Variants in PTX4 observed in about 807,000 individuals in gnomAD.
PTX4 encodes pentraxin 4.
Under a neutral mutation model 19.1 loss-of-function variants are expected in PTX4, and 23 were observed. The observed-to-expected ratio is 1.20, with a 90% confidence interval of 0.87 to 1.70. The LOEUF (loss-of-function observed/expected upper bound fraction) is 1.70. Ranked by LOEUF, PTX4 falls within the 40% of genes most tolerant of loss-of-function variation. The pLI is 0.00. For synonymous variants in PTX4, 317 were observed against 279.6 expected (o/e 1.13, Z -1.33); for missense variants, 678 against 610.5 (o/e 1.11, Z -1.17).
intron 1 of PTX4, chr16:1,488,349 A>G (rs759441725): frequency 1.9e-6 from 3 of 1,613,544 alleles, no homozygotes; most frequent in Non-Finnish European, 2.5e-6. Flanking sequence ...CACCCAGCGC[A>G]GGCCCGACAG....
chr16:1,488,270 C>T, intron 1 of PTX4: 3 of 1,571,292 alleles, frequency 1.9e-6, no homozygotes, highest in Non-Finnish European at 2.6e-6. Context: ...CTCGTGATTC[C>T]AGCTCCTGCC....
At position 1,486,197 on chromosome 16, in the gene PTX4, A is replaced by G. The variant is rs779884173; in HGVS notation, c.1179T>C (p.Tyr393=). 1 of 1,613,522 alleles carries G rather than the reference A, an allele frequency of 6.2e-7. No individual in the cohort carries two copies. Among genetic ancestry groups the G allele is most frequent in the Non-Finnish European group, 8.5e-7 (1 of 1,179,782 alleles). The change falls in exon 3 of 3, where the codon TAT becomes TAC. Residue 393 remains tyrosine (Y), a synonymous_variant. Transcript: ENST00000447419. The part of the protein sequence containing the change: ...VATGSRFREG[Y]EIPPGGSLVL... ...CGAGGGACCCTCCGGGGGGGATCTC[A>G]TAGCCCTCCCTGAAGCGGGAGCCGG... is the stretch of plus-strand genomic sequence containing the variant.
At position 1,487,953 on chromosome 16, in the gene PTX4, C is replaced by A; in HGVS notation, c.159G>T (p.Glu53Asp). The A allele has an allele frequency of 6.3e-7, 1 of 1,584,826 alleles. No individual in the cohort carries two copies. Among genetic ancestry groups the A allele is most frequent in the Non-Finnish European group, 8.6e-7 (1 of 1,161,778 alleles). ...RLEEQFRRFQ[E>D]VTWTHLQNIA... is the part of the protein sequence containing the mutation. ...TGTTCTGCAGGTGTGTCCAGGTCAC[C>A]TCCTGGAATCTCCGGAACTGTAAGG... Residue 53 changes from glutamate (E) to aspartate (D), a missense_variant, in exon 2 of 3, where the codon GAG (glutamate) becomes GAT (aspartate). Coordinates refer to ENST00000447419, the MANE Select transcript of PTX4 (RefSeq NM_001328608.2).
rs759960372 is a variant in PTX4 at position 1,487,901 on chromosome 16, T to A, written c.211A>T (p.Asn71Tyr). The A allele has an allele frequency of 1.9e-6, 3 of 1,612,234 alleles. No individual in the cohort carries two copies. The South Asian group carries it at 3.3e-5, about 18-fold the overall frequency. Residue 71 changes from asparagine to tyrosine, a missense_variant, in exon 2 of 3, where the codon AAC becomes TAC. Asn to Tyr is a moderately radical substitution (Grantham distance 143). Coordinates refer to ENST00000447419, the MANE Select transcript of PTX4 (RefSeq NM_001328608.2). ...NIASNYNVSYNVDVRFRSLAE... is the reference protein window; with the variant it reads ...NIASNYNVSYYVDVRFRSLAE... Reference sequence around the variant, plus strand: ...AGGCTCCGGAACCGGACGTCAACGTTGTAGGACACGTTGTAGTTGCTGGCG... The same window carrying A: ...AGGCTCCGGAACCGGACGTCAACGTAGTAGGACACGTTGTAGTTGCTGGCG...
At chr16:1,488,247 C>G in intron 1 of PTX4, 3 of 1,535,914 alleles carry the variant, frequency 2.0e-6, no homozygotes, top group South Asian at 2.4e-5. Context: ...TAACCACCGG[C>G]AAGTCACTTT....
chr16:1,486,523 A>G lies in PTX4; in HGVS notation c.853T>C (p.Phe285Leu). 6.3e-7 allele frequency: 1 copy of G among 1,588,712 alleles called. No homozygotes were observed. Among genetic ancestry groups the G allele is most frequent in the Non-Finnish European group, 8.6e-7 (1 of 1,168,980 alleles). ...FPNASTRNVV[F>L]LSPGFVTALR... is the part of the protein sequence containing the mutation. ...GCAGTGACGAAACCAGGGCTGAGGA[A>G]GACCACGTTCCTGGTGGAGGCGTTT... Residue 285 changes from phenylalanine to leucine, a missense_variant, in exon 3 of 3, where the codon TTC becomes CTC. By Grantham distance (22) the Phe-to-Leu change is conservative. Coordinates refer to ENST00000447419, the MANE Select transcript of PTX4 (RefSeq NM_001328608.2).
In PTX4 at chr16:1,485,898, C is replaced by A; in HGVS notation, c.*41G>T. On this transcript the variant is annotated 3_prime_UTR_variant, in exon 3 of 3. Transcript: ENST00000447419. The stretch of plus-strand genomic sequence containing the variant: ...GGCGGTGGCGGAATGTGGATGGGGG[C>A]ATGCTGCCCTTGCTGGCCTCAGCCC... The A allele has an allele frequency of 6.4e-7, 1 of 1,557,698 alleles. No homozygotes were observed. Among genetic ancestry groups the A allele is most frequent in the South Asian group, 1.1e-5 (1 of 87,480 alleles).
rs941904865 is a variant in PTX4 at position 1,485,921 on chromosome 16, C to A, written c.*18G>T. 6.3e-7 allele frequency: 1 copy of A among 1,584,492 alleles called. No homozygotes were observed. Among genetic ancestry groups the A allele is most frequent in the Non-Finnish European group, 8.6e-7 (1 of 1,167,408 alleles). On this transcript the variant is annotated 3_prime_UTR_variant, in exon 3 of 3. Transcript: ENST00000447419. Reference sequence around the variant, plus strand: ...GGCATGCTGCCCTTGCTGGCCTCAGCCCCCGTGCGGCTCGGCCTCAGGGAC... The same window carrying A: ...GGCATGCTGCCCTTGCTGGCCTCAGACCCCGTGCGGCTCGGCCTCAGGGAC...
Position 1,486,495 on chromosome 16 carries a change from AG to A in PTX4, c.880del (p.Leu294CysfsTer48). Reference sequence around the variant, plus strand: ...CCAGCTGCAGAAGGACAGGGCTCGCAGGGCAGTGACGAAACCAGGGCTGAGG... The same window carrying A: ...CCAGCTGCAGAAGGACAGGGCTCGCAGGCAGTGACGAAACCAGGGCTGAGG... ...VFLSPGFVTA[L>X]RALSFCSWVR... On this transcript the variant is annotated frameshift_variant, in exon 3 of 3. Coordinates refer to ENST00000447419, the MANE Select transcript of PTX4 (RefSeq NM_001328608.2). LOFTEE classifies it low-confidence loss of function (END_TRUNC). 6.2e-7 allele frequency: 1 copy of A among 1,610,398 alleles called. No individual in the cohort carries two copies. Among genetic ancestry groups the A allele is most frequent in the Non-Finnish European group, 8.5e-7 (1 of 1,178,406 alleles).
At chr16:1,486,912 C>A (rs2039251207) in intron 2 of PTX4, among the ~76,000 whole-genome samples, 1 of 152,188 alleles carries the variant, frequency 6.6e-6, no homozygotes, top group Non-Finnish European at 1.5e-5. Context: ...CACAACAGCG[C>A]AGGTTTAGTG....
rs754675948 is a variant in PTX4 at position 1,486,270 on chromosome 16, G to A, written c.1106C>T (p.Ser369Phe). The A allele has an allele frequency of 3.7e-5, 59 of 1,613,190 alleles. No homozygotes were observed. Among genetic ancestry groups the A allele is most frequent in the Non-Finnish European group, 4.8e-5 (57 of 1,179,726 alleles). The part of the protein sequence containing the change: ...QWHHICVIWT[S>F]TQGRYWLHVD... ...GTGGAGCCAGTACCTGCCCTGGGTG[G>A]ACGTCCAGATGACACAGATGTGGTG... The change falls in exon 3 of 3, where the codon TCC becomes TTC. Residue 369 changes from serine (S) to phenylalanine (F), a missense_variant. Transcript: ENST00000447419.
chr16:1,488,352 C>A, intron 1 of PTX4: 1 of 1,613,578 alleles, frequency 6.2e-7, no homozygotes. Context: ...CCAGCGCAGG[C>A]CCGACAGGCC....
intron 2 of PTX4, among the ~76,000 whole-genome samples, chr16:1,487,061 G>A (rs1027686999): frequency 2.6e-5 from 4 of 152,104 alleles, no homozygotes; most frequent in Admixed American, 6.5e-5. Flanking sequence ...TGCACCCTTC[G>A]GCGTGGGGCC....
At position 1,487,562 on chromosome 16, in the gene PTX4, C is replaced by G; in HGVS notation, c.550G>C (p.Ala184Pro). The G allele has an allele frequency of 1.3e-6, 2 of 1,536,342 alleles. No homozygotes were observed. Among genetic ancestry groups the G allele is most frequent in the Non-Finnish European group, 1.8e-6 (2 of 1,141,856 alleles). ...GTTGGGACCAGGGCCGGCCCGAGGGCTGCAGTGCCAGGGTGGGCCACGGGC... is the reference window on the plus strand; with the variant it reads ...GTTGGGACCAGGGCCGGCCCGAGGGGTGCAGTGCCAGGGTGGGCCACGGGC... ...RLPVAHPGTAALGPALVPTPT... is the reference protein window; with the variant it reads ...RLPVAHPGTAPLGPALVPTPT... The change falls in exon 2 of 3, where the codon GCC (alanine) becomes CCC (proline). Residue 184 changes from alanine (A) to proline (P), a missense_variant. Physicochemically the swap from Ala to Pro is conservative, Grantham distance 27. Transcript: ENST00000447419.
chr16:1,488,712 C>T, intron 1 of PTX4, 57 bp downstream of exon 1: 1 of 657,096 alleles, frequency 1.5e-6, no homozygotes, highest in Non-Finnish European at 2.8e-6. Flanking sequence ...TAACATCCGT[C>T]TTCCATCTGC....
Position 1,487,556 on chromosome 16 carries a change from C to T in PTX4, c.556G>A (p.Gly186Arg), listed in dbSNP as rs373232026. 2.2e-5 allele frequency: 33 copies of T among 1,530,334 alleles called. No individual in the cohort carries two copies. Among genetic ancestry groups the T allele is most frequent in the East Asian group, 1.6e-4 (7 of 43,708 alleles). The allele number at this position is 1,530,334 out of a possible 1,614,324, so 94.8% of individuals were successfully genotyped here. Residue 186 changes from glycine to arginine, a missense_variant, in exon 2 of 3, where the codon GGG becomes AGG. By Grantham distance (125) the Gly-to-Arg change is moderately radical. Transcript: ENST00000447419. ...PVAHPGTAAL[G>R]PALVPTPTQP... ...GTTGGGGTTGGGACCAGGGCCGGCC[C>T]GAGGGCTGCAGTGCCAGGGTGGGCC...
At position 1,487,692 on chromosome 16, in the gene PTX4, C is replaced by A. The variant is rs61734779; in HGVS notation, c.420G>T (p.Arg140Ser). Residue 140 changes from arginine to serine, a missense_variant, in exon 2 of 3, where the codon AGG becomes AGT. Transcript: ENST00000447419. ...CGTCCCTCTGGGCCTTGTGTGCCTT[C>A]CTTTCCCGGGCCCGCTGCTGGCTCC... ...GERSQQRARERKAHKAQRDAL... is the reference protein window; with the variant it reads ...GERSQQRARESKAHKAQRDAL... 0.097 allele frequency: 156,677 copies of A among 1,610,256 alleles called. 9,722 individuals are homozygous for A. The highest frequency in any genetic ancestry group is 0.28 in the African/African-American group (20,884 of 74,940).
At position 1,486,485 on chromosome 16, in the gene PTX4, C is replaced by T; in HGVS notation, c.891G>A (p.Leu297=). The T allele has an allele frequency of 1.2e-6, 2 of 1,611,614 alleles. No individual in the cohort carries two copies. Among genetic ancestry groups the T allele is most frequent in the Non-Finnish European group, 1.7e-6 (2 of 1,178,954 alleles). The stretch of plus-strand genomic sequence containing the variant: ...CCGTGCGGACCCAGCTGCAGAAGGA[C>T]AGGGCTCGCAGGGCAGTGACGAAAC... ...SPGFVTALRA[L]SFCSWVRTAS... is the part of the protein sequence containing the mutation. Residue 297 remains leucine, a synonymous_variant, in exon 3 of 3, where the codon CTG becomes CTA. Coordinates refer to ENST00000447419, the MANE Select transcript of PTX4 (RefSeq NM_001328608.2).
At chr16:1,487,011 G>A (rs958747511) in intron 2 of PTX4, among the ~76,000 whole-genome samples, 5 of 152,318 alleles carry the variant, frequency 3.3e-5, no homozygotes, top group African/African-American at 1.2e-4. Flanking sequence ...GAGGCTCCAG[G>A]AGAAACCATC....
Sources: allele counts gnomAD v4.1 joint callset (sites outside exome capture counted in the v4.1 genomes callset), GRCh38; gene constraint gnomAD v4.1.1; transcripts MANE v1.5; gene names NCBI Gene and HGNC (gene_info 2026-07-23, HGNC 2026-07-21).